Variants in TRPM3 observed in about 807,000 individuals in gnomAD.
The protein encoded by TRPM3 is transient receptor potential cation channel subfamily M member 3, also known as long transient receptor potential channel 3.
TRPM3 carries 77 observed loss-of-function variants against 181.2 expected under a neutral mutation model. That is an observed-to-expected ratio of 0.42 (90% CI 0.35 to 0.51). TRPM3 has a LOEUF of 0.51. Among genes scored for constraint, TRPM3 ranks in the 20% least tolerant of loss-of-function variants. The pLI is 0.01. For missense variants in TRPM3, 1,759 were observed against 2,196.7 expected, an observed-to-expected ratio of 0.80 and a Z score of 3.98; for synonymous variants, 745 against 796.4, an observed-to-expected ratio of 0.94 and a Z score of 1.09.
chr9:71,284,395 AAAATC>A (rs2085101317), intron 1 of TRPM3, among the ~76,000 whole-genome samples: 2 of 152,224 alleles, frequency 1.3e-5, no homozygotes, highest in Admixed American at 1.3e-4. Flanking sequence ...GTTTTTCTTT[AAAATC>A]AGCCATCCTT....
intron 1 of TRPM3, among the ~76,000 whole-genome samples, chr9:71,264,904 A>T (rs1243279079): frequency 6.6e-6 from 1 of 152,164 alleles, no homozygotes; most frequent in Non-Finnish European, 1.5e-5. Flanking sequence ...TTTTAAATCT[A>T]CTTCATGCCA....
intron 1 of TRPM3, among the ~76,000 whole-genome samples, chr9:71,237,071 A>AAC (rs1565371766): frequency 6.9e-6 from 1 of 145,690 alleles, no homozygotes; most frequent in Non-Finnish European, 1.5e-5. Flanking sequence ...GGGGGGGGGA[A>AAC]AAAAAGAAAG....
intron 1 of TRPM3, among the ~76,000 whole-genome samples, chr9:71,308,356 G>C (rs1047791956): frequency 6.6e-6 from 1 of 152,090 alleles, no homozygotes; most frequent in African/African-American, 2.4e-5. Context: ...TTGAGATGTT[G>C]TCAGCATGAA....
intron 1 of TRPM3, among the ~76,000 whole-genome samples, chr9:71,024,402 A>G (rs1207084608): frequency 2.0e-5 from 3 of 152,162 alleles, no homozygotes; most frequent in Non-Finnish European, 2.9e-5. Context: ...GGGTGAGGCA[A>G]AGGGAGATTT....
chr9:70,955,399 G>C (rs991274032), intron 1 of TRPM3, among the ~76,000 whole-genome samples: 3 of 152,112 alleles, frequency 2.0e-5, no homozygotes, highest in African/African-American at 7.2e-5. Context: ...CCTGTCTTCA[G>C]ATATCCTTCT....
chr9:70,977,490 C>G (rs1422235942), intron 1 of TRPM3, among the ~76,000 whole-genome samples: 1 of 152,196 alleles, frequency 6.6e-6, no homozygotes, highest in African/African-American at 2.4e-5. Flanking sequence ...TGGTTTTTGT[C>G]CCACACCAAC....
chr9:70,895,118 G>A (rs1741435824), intron 1 of TRPM3, among the ~76,000 whole-genome samples: 2 of 152,144 alleles, frequency 1.3e-5, no homozygotes, highest in African/African-American at 2.4e-5. Context: ...CTACATAAAT[G>A]TTAGTGCTAT....
intron 1 of TRPM3, among the ~76,000 whole-genome samples, chr9:70,880,235 C>T (rs1034374767): frequency 2.0e-5 from 3 of 151,994 alleles, no homozygotes; most frequent in African/African-American, 7.3e-5. Flanking sequence ...CAGTAGATAT[C>T]ATTATTTAAA....
At chr9:71,047,810 T>TCACACACACACACACACA (rs56653631) in intron 1 of TRPM3, among the ~76,000 whole-genome samples, 2 of 141,528 alleles carry the variant, frequency 1.4e-5, no homozygotes, top group Non-Finnish European at 3.1e-5. Flanking sequence ...ACTGGCTGCA[T>TCACACACACACACACACA]CACACACACA....
At chr9:70,547,905 G>A (rs1162624708) in intron 25 of TRPM3, among the ~76,000 whole-genome samples, 1 of 152,150 alleles carries the variant, frequency 6.6e-6, no homozygotes, top group Non-Finnish European at 1.5e-5. Flanking sequence ...GTTTCTTTTT[G>A]TTTCTTTTCA....
chr9:70,918,529 T>C, intron 1 of TRPM3, among the ~76,000 whole-genome samples: 1 of 152,110 alleles, frequency 6.6e-6, no homozygotes, highest in East Asian at 1.9e-4. Context: ...AGTGGGTCAA[T>C]GAAGAAATTA....
At chr9:70,962,494 T>C (rs985679167) in intron 1 of TRPM3, among the ~76,000 whole-genome samples, 8 of 152,212 alleles carry the variant, frequency 5.3e-5, no homozygotes, top group African/African-American at 1.9e-4. Flanking sequence ...GCAATGGGGA[T>C]ATTATAAATA....
intron 1 of TRPM3, among the ~76,000 whole-genome samples, chr9:70,934,144 T>G (rs918186841): frequency 6.6e-6 from 1 of 152,208 alleles, no homozygotes; most frequent in African/African-American, 2.4e-5. Context: ...TCTTTAAGTA[T>G]GATACATGAA....
At chr9:71,396,346 C>T (rs535306477) in intron 1 of TRPM3, among the ~76,000 whole-genome samples, 6 of 150,352 alleles carry the variant, frequency 4.0e-5, no homozygotes, top group Non-Finnish European at 8.8e-5. Context: ...AAGAGTTATG[C>T]GGCAGCAATG....
intron 8 of TRPM3, among the ~76,000 whole-genome samples, chr9:70,691,918 C>T (rs957755926): frequency 6.6e-6 from 1 of 152,160 alleles, no homozygotes. Flanking sequence ...TCTGGTTGGG[C>T]CAGTAAAGCC....
At chr9:71,307,432 T>G (rs1239320960) in intron 1 of TRPM3, among the ~76,000 whole-genome samples, 1 of 152,246 alleles carries the variant, frequency 6.6e-6, no homozygotes, top group East Asian at 1.9e-4. Context: ...TATTTTTTCT[T>G]ATATGTTTAC....
intron 1 of TRPM3, among the ~76,000 whole-genome samples, chr9:71,274,349 G>A (rs2084028270): frequency 6.6e-6 from 1 of 152,158 alleles, no homozygotes; most frequent in Non-Finnish European, 1.5e-5. Context: ...AGACTTAAGA[G>A]GCTCTGATTT....
chr9:70,969,756 T>TTA (rs78938143), intron 1 of TRPM3, among the ~76,000 whole-genome samples: 9,675 of 126,272 alleles, frequency 0.077, 681 homozygotes, highest in African/African-American at 0.17. Flanking sequence ...CTGAATGATT[T>TTA]TATATATATA....
chr9:70,870,210 T>C (rs2095758444), intron 1 of TRPM3, among the ~76,000 whole-genome samples: 1 of 152,006 alleles, frequency 6.6e-6, no homozygotes, highest in Non-Finnish European at 1.5e-5. Flanking sequence ...ATGACTTATT[T>C]CAAACTTGAA....
Sources: allele counts gnomAD v4.1 joint callset (sites outside exome capture counted in the v4.1 genomes callset), GRCh38; gene constraint gnomAD v4.1.1; transcripts MANE v1.5; gene names NCBI Gene and HGNC (gene_info 2026-07-23, HGNC 2026-07-21).